DTNA: variants seen among roughly 807,000 people sequenced by gnomAD.
DTNA encodes dystrobrevin alpha, also known as dystrophin-related protein 3.
In DTNA, 43 loss-of-function variants were observed where a neutral mutation model predicts 100.7. That is an observed-to-expected ratio of 0.43 (90% CI 0.33 to 0.55). DTNA has a LOEUF of 0.55. Among genes scored for constraint, DTNA ranks in the 20% least tolerant of loss-of-function variants. DTNA has a pLI of 0.04. For missense variants in DTNA, 798 were observed against 953.9 expected, an observed-to-expected ratio of 0.84 and a Z score of 2.15; for synonymous variants, 349 against 347.9, an observed-to-expected ratio of 1.00 and a Z score of -0.04.
intron 1 of DTNA, among the ~76,000 whole-genome samples, chr18:34,509,003 T>C (rs900937607): frequency 3.9e-5 from 6 of 152,302 alleles, no homozygotes; most frequent in South Asian, 4.1e-4. Context: ...ACCAGTTGTC[T>C]TAGGCTCTTT....
At chr18:34,712,852 A>C (rs2083175809) in intron 1 of DTNA, among the ~76,000 whole-genome samples, 1 of 152,160 alleles carries the variant, frequency 6.6e-6, no homozygotes, top group African/African-American at 2.4e-5. Context: ...ACAGATATTT[A>C]ACAGTTTTTT....
intron 1 of DTNA, among the ~76,000 whole-genome samples, chr18:34,499,087 G>A (rs571925069): frequency 2.1e-4 from 32 of 152,240 alleles, no homozygotes; most frequent in Admixed American, 2.1e-3. Context: ...AGCACCAGAA[G>A]GATAATTCCT....
At chr18:34,718,134 A>G (rs189921260) in intron 1 of DTNA, among the ~76,000 whole-genome samples, 12 of 152,336 alleles carry the variant, frequency 7.9e-5, no homozygotes, top group Admixed American at 7.8e-4. Context: ...GTGGCCAAGG[A>G]AACTGAGCGT....
intron 11 of DTNA, among the ~76,000 whole-genome samples, chr18:34,833,987 A>G (rs775887691): frequency 7.2e-5 from 11 of 152,226 alleles, no homozygotes; most frequent in Non-Finnish European, 1.0e-4. Context: ...AGTAGGTTCC[A>G]TTGTACCTGA....
At chr18:34,728,175 A>G (rs1160555196) in intron 1 of DTNA, among the ~76,000 whole-genome samples, 1 of 152,212 alleles carries the variant, frequency 6.6e-6, no homozygotes, top group Non-Finnish European at 1.5e-5. Flanking sequence ...CAAGAAGACT[A>G]TCAGCTGCAA....
At chr18:34,632,058 GAA>G (rs2058140167) in intron 1 of DTNA, among the ~76,000 whole-genome samples, 1 of 152,058 alleles carries the variant, frequency 6.6e-6, no homozygotes, top group Non-Finnish European at 1.5e-5. Context: ...TTTAGTTAAA[GAA>G]AATATAATTT....
At chr18:34,819,157 C>T (rs181953929) in intron 8 of DTNA, among the ~76,000 whole-genome samples, 1 of 152,270 alleles carries the variant, frequency 6.6e-6, no homozygotes, top group East Asian at 1.9e-4. Context: ...ATAGTTCCGT[C>T]ACAAGAAAAT....
At chr18:34,829,531 C>T in intron 11 of DTNA, 42 bp downstream of exon 11, 2 of 1,471,860 alleles carry the variant, frequency 1.4e-6, no homozygotes, top group Non-Finnish European at 1.8e-6. Context: ...AGTAGTAGTT[C>T]CATAGCTAGA....
At chr18:34,847,731 A>C (rs893107640) in intron 13 of DTNA, among the ~76,000 whole-genome samples, 11 of 152,206 alleles carry the variant, frequency 7.2e-5, no homozygotes, top group Non-Finnish European at 1.3e-4. Context: ...AGCAAGTCCA[A>C]GATGGAAGCC....
chr18:34,620,973 T>C (rs1356037970), intron 1 of DTNA, among the ~76,000 whole-genome samples: 1 of 151,914 alleles, frequency 6.6e-6, no homozygotes, highest in Admixed American at 6.6e-5. Context: ...TTGCATAAAA[T>C]ACCATTTTAA....
intron 17 of DTNA, among the ~76,000 whole-genome samples, chr18:34,865,571 C>T (rs936029322): frequency 1.3e-5 from 2 of 152,126 alleles, no homozygotes; most frequent in African/African-American, 4.8e-5. Context: ...GTTGATCTAT[C>T]TTGGGTAAGA....
Position 34,639,675 on chromosome 18 carries a change from T to A in DTNA, c.-1-116301T>A, listed in dbSNP as rs1249063345. Among the ~76,000 whole-genome samples, 4 of 152,332 alleles carry A rather than the reference T, an allele frequency of 2.6e-5. No individual in the cohort carries two copies. In the East Asian group the frequency reaches 7.7e-4, roughly 29 times the overall value. On this transcript the variant is annotated intron_variant, in intron 1 of 19. Coordinates refer to the DTNA transcript ENST00000283365. ...CTTCGATTATAGCTCATGTTCAAGC[T>A]ATAAACACAGCTCTTCCTGACCTAC...
chr18:34,793,084 A>G (rs537128584), intron 3 of DTNA, among the ~76,000 whole-genome samples: 1 of 152,350 alleles, frequency 6.6e-6, no homozygotes, highest in Admixed American at 6.5e-5. Flanking sequence ...GTTAACACTA[A>G]GTAAAAGAAT....
intron 1 of DTNA, among the ~76,000 whole-genome samples, chr18:34,742,629 T>C (rs2090869142): frequency 7.3e-6 from 1 of 137,690 alleles, no homozygotes. Flanking sequence ...TCTGATTATC[T>C]TCTATTATCT....
At chr18:34,706,576 A>C (rs116988149), upstream of DTNA, among the ~76,000 whole-genome samples, 3,954 of 152,266 alleles carry the variant, frequency 0.026, 103 homozygotes, top group Non-Finnish European at 0.034. Flanking sequence ...CAGAGTTCAC[A>C]ATAGGTTATC....
At chr18:34,856,758 A>G (rs536839467) in intron 15 of DTNA, among the ~76,000 whole-genome samples, 1 of 152,254 alleles carries the variant, frequency 6.6e-6, no homozygotes, top group Non-Finnish European at 1.5e-5. Context: ...ATAAAATAAC[A>G]TTAAAGAAGT....
intron 1 of DTNA, among the ~76,000 whole-genome samples, chr18:34,557,448 G>C (rs532797716): frequency 2.6e-5 from 4 of 152,156 alleles, no homozygotes; most frequent in African/African-American, 9.6e-5. Context: ...GGCGCTCTGC[G>C]TTTCAGAGTT....
At chr18:34,530,118 T>C (rs536575628) in intron 1 of DTNA, among the ~76,000 whole-genome samples, 2 of 152,202 alleles carry the variant, frequency 1.3e-5, no homozygotes, top group East Asian at 3.9e-4. Flanking sequence ...TTTGTACTCC[T>C]GCTCATAGCT....
intron 1 of DTNA, among the ~76,000 whole-genome samples, chr18:34,566,474 G>A (rs921713738): frequency 6.6e-6 from 1 of 152,114 alleles, no homozygotes; most frequent in African/African-American, 2.4e-5. Flanking sequence ...CCAATACATG[G>A]CCTTCCCTTC....
Sources: allele counts gnomAD v4.1 joint callset (sites outside exome capture counted in the v4.1 genomes callset), GRCh38; gene constraint gnomAD v4.1.1; transcripts MANE v1.5; gene names NCBI Gene and HGNC (gene_info 2026-07-23, HGNC 2026-07-21).